TNRC18: variants seen among roughly 807,000 people sequenced by gnomAD.
The protein encoded by TNRC18 is trinucleotide repeat containing 18.
In TNRC18, 69 loss-of-function variants were observed where a neutral mutation model predicts 226.7. The observed-to-expected ratio is 0.30, with a 90% CI of 0.25 to 0.37. The LOEUF (loss-of-function observed/expected upper bound fraction) is 0.37. Ranked by LOEUF, TNRC18 falls within the 10% of genes least tolerant of loss-of-function variation. The probability of loss-of-function intolerance (pLI) is 1.00; values close to 1 mark genes in which losing one functional copy is unlikely to be tolerated. For synonymous variants in TNRC18, 2,449 were observed against 1,927.6 expected (o/e 1.27, Z -7.09); for missense variants, 4,754 against 4,256.6 (o/e 1.12, Z -3.25).
intron 10 of TNRC18, 83 bp downstream of exon 10, chr7:5,373,972 G>A (rs929323875): frequency 2.9e-5 from 33 of 1,151,124 alleles, no homozygotes; most frequent in Middle Eastern, 3.1e-4. Flanking sequence ...ACGAACGATC[G>A]AACGGGTCAA....
At position 5,308,359 on chromosome 7, in the gene TNRC18, G is replaced by A. The variant is rs756947886; in HGVS notation, c.8701-47C>T. Reference sequence around the variant, plus strand: ...AGGATGGCAGGTGGGGGGCACAGAGGCCGAGGGAGCCCCAGGGAGCCACAG... The same window carrying A: ...AGGATGGCAGGTGGGGGGCACAGAGACCGAGGGAGCCCCAGGGAGCCACAG... On this transcript the variant is annotated intron_variant, in intron 29 of 29. Coordinates refer to ENST00000430969, the MANE Select transcript of TNRC18 (RefSeq NM_001080495.3). 4.5e-5 allele frequency: 70 copies of A among 1,552,314 alleles called. 1 individual carries two copies. Among genetic ancestry groups the A allele is most frequent in the South Asian group, 1.2e-4 (10 of 84,824 alleles).
At chr7:5,403,578 G>A (rs1781259053) in intron 2 of TNRC18, among the ~76,000 whole-genome samples, 5 of 152,074 alleles carry the variant, frequency 3.3e-5, no homozygotes, top group Middle Eastern at 3.4e-3. Context: ...GTCGTTTGAG[G>A]CCAGGAGTTC....
Position 5,372,542 on chromosome 7 carries a change from TA to T in TNRC18, c.3230-1179del, listed in dbSNP as rs1270563593. On this transcript the variant is annotated intron_variant, in intron 10 of 29. Transcript: ENST00000430969. The stretch of plus-strand genomic sequence containing the variant: ...CTGACCTGGAAGACTCCATCTCTAC[TA>T]AAAAAAAAAAAAGAAAAAAAAATTA... 2.9e-3 allele frequency among the ~76,000 whole-genome samples: 374 copies of T among 128,088 alleles called. 1 individual carries two copies. The highest frequency in any genetic ancestry group is 4.0e-3 in the Middle Eastern group (1 of 252). 84.0% of individuals were successfully genotyped at this position (128,088 alleles called of 152,430 possible). A position where few individuals can be genotyped will look rare whatever the true frequency, so the allele number is the denominator to read the frequency against.
intron 27 of TNRC18, among the ~76,000 whole-genome samples, chr7:5,310,917 T>TGTGTGTGCACGTGTTC (rs1428148180): frequency 2.0e-5 from 3 of 151,438 alleles, no homozygotes; most frequent in South Asian, 2.1e-4. Context: ...CACGTGTTCA[T>TGTGTGTGCACGTGTTC]GTGTGTGCAC....
At chr7:5,376,306 A>G in intron 8 of TNRC18, 82 bp from the exon 9 acceptor site, 1 of 1,219,432 alleles carries the variant, frequency 8.2e-7, no homozygotes, top group Non-Finnish European at 1.1e-6. Context: ...CTGAAGCCAG[A>G]GAGGGGCCAC....
rs1248240892 is a variant in TNRC18, at chr7:5,332,955, C to G, written c.5814G>C (p.Glu1938Asp). The G allele has an allele frequency of 6.4e-7, 1 of 1,555,898 alleles. No individual in the cohort carries two copies. Among genetic ancestry groups the G allele is most frequent in the Admixed American group, 1.8e-5 (1 of 54,130 alleles). The change falls in exon 19 of 30, where the codon GAG (glutamate) becomes GAC (aspartate). Residue 1938 changes from glutamate to aspartate, a missense_variant. Coordinates refer to ENST00000430969, the MANE Select transcript of TNRC18 (RefSeq NM_001080495.3). The stretch of plus-strand genomic sequence containing the variant: ...TGGGTGCGGCCAGGGAGGGTCCCGG[C>G]TCCCCCAGCCCCTTCTTGGGCCGCA... ...GLLRPKKGLG[E>D]PGPSLAAPTP...
chr7:5,318,116 C>T (rs1026433821), intron 24 of TNRC18, among the ~76,000 whole-genome samples: 1 of 152,162 alleles, frequency 6.6e-6, no homozygotes, highest in African/African-American at 2.4e-5. Flanking sequence ...AGGTGATCTG[C>T]CCACCTTGGC....
Position 5,387,696 on chromosome 7 carries a change from A to C in TNRC18, c.2128T>G (p.Ser710Ala). Residue 710 changes from serine (S) to alanine (A), a missense_variant, in exon 5 of 30, where the codon TCT becomes GCT. Ser to Ala is a moderately conservative substitution (Grantham distance 99). Transcript: ENST00000430969. ...CCTTTGACGTTACTCAGCGACAGAG[A>C]GCGCTCCTGGTCTACCAGCCCAGGC... ...LGPGLVDQER[S>A]LSLSNVKGHG... The C allele has an allele frequency of 1.2e-6, 2 of 1,605,120 alleles. No homozygotes were observed. The highest frequency in any genetic ancestry group is 2.2e-5 in the South Asian group (2 of 91,088).
intron 15 of TNRC18, among the ~76,000 whole-genome samples, chr7:5,358,163 G>A (rs537098613): frequency 2.6e-5 from 4 of 152,234 alleles, no homozygotes; most frequent in African/African-American, 4.8e-5. Flanking sequence ...TAAAGGGGCC[G>A]AAGCTGCCAA....
intron 19 of TNRC18, among the ~76,000 whole-genome samples, chr7:5,328,502 C>A (rs1381650727): frequency 7.4e-6 from 1 of 135,896 alleles, no homozygotes; most frequent in Non-Finnish European, 1.6e-5. Context: ...ACCACCTTCC[C>A]CGCCGCCGCC....
intron 25 of TNRC18, among the ~76,000 whole-genome samples, chr7:5,315,584 C>T (rs975858452): frequency 3.9e-5 from 6 of 152,108 alleles, no homozygotes; most frequent in Non-Finnish European, 7.4e-5. Context: ...TCACCACGCC[C>T]GGCTAATTTT....
chr7:5,374,590 C>T (rs1221478384), intron 9 of TNRC18, 106 bp from the exon 10 acceptor site: 10 of 1,199,298 alleles, frequency 8.3e-6, no homozygotes. Flanking sequence ...AGGAGAACCT[C>T]ATGCAGGGCC....
At chr7:5,356,183 A>AG (rs1366838379) in intron 16 of TNRC18, among the ~76,000 whole-genome samples, 2 of 142,748 alleles carry the variant, frequency 1.4e-5, no homozygotes, top group South Asian at 2.3e-4. Flanking sequence ...AAAAAAAAAA[A>AG]AGAAAGAAAA....
At chr7:5,399,613 G>A (rs1214713500) in intron 2 of TNRC18, among the ~76,000 whole-genome samples, 1 of 152,118 alleles carries the variant, frequency 6.6e-6, no homozygotes, top group East Asian at 1.9e-4. Context: ...GGCTGAGGCA[G>A]GGGAATTGCT....
In TNRC18 at chr7:5,374,057, G is replaced by A. The variant is rs1794398964; in HGVS notation, c.3227C>T (p.Ser1076Leu). The change falls in exon 10 of 30, where the codon TCA becomes TTA. Residue 1076 changes from serine (S) to leucine (L), a missense_variant and splice_region_variant. Ser to Leu is a moderately radical substitution (Grantham distance 145). Coordinates refer to ENST00000430969, the MANE Select transcript of TNRC18 (RefSeq NM_001080495.3). ...EAPSPFQALF[S>L]DIPPRYPFQA... ...TGAGGGTCTCAGCTGCATCCTACCT[G>A]AGAACAGGGCCTGGAAGGGGCTGGG... 6.4e-7 allele frequency: 1 copy of A among 1,559,700 alleles called. No individual in the cohort carries two copies. Among genetic ancestry groups the A allele is most frequent in the African/African-American group, 1.4e-5 (1 of 70,682 alleles).
At chr7:5,337,153 C>T (rs1050623520) in intron 18 of TNRC18, among the ~76,000 whole-genome samples, 6 of 151,782 alleles carry the variant, frequency 4.0e-5, no homozygotes, top group Non-Finnish European at 8.8e-5. Context: ...CTATCACTTC[C>T]AAAACAATCG....
intron 2 of TNRC18, among the ~76,000 whole-genome samples, chr7:5,395,319 C>G (rs55964767): frequency 0.43 from 65,272 of 152,036 alleles, 15,907 homozygotes; most frequent in East Asian, 0.84. Flanking sequence ...GGAGGGCAAC[C>G]CCTCCAGACA....
intron 1 of TNRC18, among the ~76,000 whole-genome samples, chr7:5,422,637 C>T (rs1782651028): frequency 6.6e-6 from 1 of 152,130 alleles, no homozygotes; most frequent in Non-Finnish European, 1.5e-5. Flanking sequence ...CTGCACTCCG[C>T]GCCCAGCCCC....
chr7:5,321,149 C>A lies in TNRC18; in HGVS notation c.6484G>T (p.Gly2162Cys), dbSNP rs749757110. 1.3e-6 allele frequency: 2 copies of A among 1,553,748 alleles called. No homozygotes were observed. Among genetic ancestry groups the A allele is most frequent in the South Asian group, 1.2e-5 (1 of 84,182 alleles). ...TCCATGGGGATGAGCACACGCAGGC[C>A]GTCCTTCAGCTCATCCTTGTCGATG... ...CIIDKDELKD[G>C]LRVLIPMDDK... Residue 2162 changes from glycine to cysteine, a missense_variant, in exon 22 of 30, where the codon GGC (glycine) becomes TGC (cysteine). Coordinates refer to ENST00000430969, the MANE Select transcript of TNRC18 (RefSeq NM_001080495.3).
Sources: allele counts gnomAD v4.1 joint callset (sites outside exome capture counted in the v4.1 genomes callset), GRCh38; gene constraint gnomAD v4.1.1; transcripts MANE v1.5; gene names NCBI Gene and HGNC (gene_info 2026-07-23, HGNC 2026-07-21).